ZBTB17: variants seen among roughly 807,000 people sequenced by gnomAD.
ZBTB17 encodes the protein zinc finger and BTB domain-containing protein 17.
A neutral mutation model predicts 85.1 loss-of-function variants in ZBTB17; 24 were observed. The ratio of observed to expected loss-of-function variants is 0.28; its 90% CI spans 0.20 to 0.40. ZBTB17 has a LOEUF of 0.40. Among genes scored for constraint, ZBTB17 ranks in the 10% least tolerant of loss-of-function variants. The pLI, the probability that ZBTB17 is intolerant of heterozygous loss-of-function variation, is 1.00. For missense variants in ZBTB17, 743 were observed against 1,105.1 expected, an observed-to-expected ratio of 0.67 and a Z score of 4.65; for synonymous variants, 464 against 460.2, an observed-to-expected ratio of 1.01 and a Z score of -0.11.
intron 2 of ZBTB17, among the ~76,000 whole-genome samples, chr1:15,955,078 C>G (rs57680346): frequency 6.6e-6 from 1 of 152,074 alleles, no homozygotes; most frequent in Admixed American, 6.6e-5. Flanking sequence ...CACTTGAACC[C>G]GGGAGGCGGA....
intron 1 of ZBTB17, 142 bp downstream of exon 1, chr1:15,975,841 C>G (rs1230558375): frequency 5.3e-6 from 3 of 562,988 alleles, no homozygotes; most frequent in Non-Finnish European, 3.2e-6. Context: ...AGCGGTGTCC[C>G]CTCAGCCCCG....
At chr1:15,960,660 G>T (rs919496147) in intron 2 of ZBTB17, among the ~76,000 whole-genome samples, 15 of 152,208 alleles carry the variant, frequency 9.9e-5, no homozygotes, top group African/African-American at 3.6e-4. Flanking sequence ...CACAAGGACT[G>T]CAGGAGCAAA....
chr1:15,945,802 G>GC lies in ZBTB17; in HGVS notation c.573dup (p.Pro192AlafsTer20). 6.2e-7 allele frequency: 1 copy of GC among 1,603,144 alleles called. No individual in the cohort carries two copies. Among genetic ancestry groups the GC allele is most frequent in the Non-Finnish European group, 8.5e-7 (1 of 1,178,912 alleles). ...TCTGGCTTGAGCTCCACAGGCGGCG[G>GC]CTCCCGGGGCGCATCGGCTTTCTCT... is the stretch of plus-strand genomic sequence containing the variant. On this transcript the variant is annotated frameshift_variant, in exon 6 of 16. Transcript: ENST00000375743. LOFTEE classifies it high-confidence loss of function.
At position 15,946,184 on chromosome 1, in the gene ZBTB17, GCTC is replaced by G; in HGVS notation, c.502_504del (p.Glu168del). Reference sequence around the variant, plus strand: ...GCCGCACTCTGGGCCTGACCGCCGCGCTCCTCCTTGAGGTCCCTGCTGGGGCCT... The same window carrying G: ...GCCGCACTCTGGGCCTGACCGCCGCGCTCCTTGAGGTCCCTGCTGGGGCCT... On this transcript the variant is annotated inframe_deletion, in exon 5 of 16. Coordinates refer to ENST00000375743, the MANE Select transcript of ZBTB17 (RefSeq NM_003443.3). 1 of 1,610,892 alleles carries G rather than the reference GCTC, an allele frequency of 6.2e-7. No individual in the cohort carries two copies. Among genetic ancestry groups the G allele is most frequent in the Non-Finnish European group, 8.5e-7 (1 of 1,179,988 alleles).
At chr1:15,950,277 G>A (rs1439385351) in intron 2 of ZBTB17, among the ~76,000 whole-genome samples, 3 of 152,262 alleles carry the variant, frequency 2.0e-5, no homozygotes, top group African/African-American at 7.2e-5. Flanking sequence ...AGGGAGAATC[G>A]TGGCTGCGCT....
intron 2 of ZBTB17, 83 bp from the exon 3 acceptor site, chr1:15,948,580 G>A (rs2071708325): frequency 1.5e-6 from 2 of 1,379,150 alleles, no homozygotes; most frequent in Non-Finnish European, 2.0e-6. Context: ...AGTCCCAGGC[G>A]AGCACCATGG....
Position 15,942,659 on chromosome 1 carries a change from C to T in ZBTB17, c.1908G>A (p.Val636=), listed in dbSNP as rs772961866. The change falls in exon 14 of 16, where the codon GTG becomes GTA. Residue 636 remains valine (V), a synonymous_variant. Transcript: ENST00000375743. ...VDNLRSHVKT[V]HQGKAGIKIL... is the part of the protein sequence containing the mutation. ...TCTTGATGCCTGCCTTGCCCTGGTG[C>T]ACGGTCTTCACGTGGGAGCGCAGGT... 9.9e-6 allele frequency: 16 copies of T among 1,613,758 alleles called. No homozygotes were observed. Among genetic ancestry groups the T allele is most frequent in the Non-Finnish European group, 1.2e-5 (14 of 1,180,038 alleles).
In ZBTB17 at chr1:15,952,835, C is replaced by G. The variant is rs539459395; in HGVS notation, c.-2-4338G>C. On this transcript the variant is annotated intron_variant, in intron 2 of 15. Transcript: ENST00000375743. The surrounding 1 kb of genome is among the most constrained non-coding windows in gnomAD (Gnocchi z 4.3). ...CCCAGCCCAGCTGTGCGCTGCTGCA[C>G]GCACGGCCTCAACCAACACCTCGGG... 1 of 152,384 alleles carries G rather than the reference C, an allele frequency of 6.6e-6. No homozygotes were observed. The highest frequency in any genetic ancestry group is 1.5e-5 in the Non-Finnish European group (1 of 68,140). The allele number at this position is 152,384 out of a possible 1,614,324, so 9.4% of individuals were successfully genotyped here.
In ZBTB17 at chr1:15,953,624, G is replaced by A. The variant is rs2148782172; in HGVS notation, c.-2-5127C>T. ...TGTTTGGGCCGTGAAATCCACTCTG[G>A]TGCCAAGTTCCATACTGCTGCCTCC... On this transcript the variant is annotated intron_variant, in intron 2 of 15. Transcript: ENST00000375743. The surrounding 1 kb of genome is among the most constrained non-coding windows in gnomAD (Gnocchi z 5.1). Among the ~76,000 whole-genome samples, 1 of 152,008 alleles carries A rather than the reference G, an allele frequency of 6.6e-6. No individual in the cohort carries two copies. The highest frequency in any genetic ancestry group is 6.5e-5 in the Admixed American group (1 of 15,278).
Position 15,951,407 on chromosome 1 carries a change from C to T in ZBTB17, c.-2-2910G>A, listed in dbSNP as rs2071836053. Among the ~76,000 whole-genome samples the T allele has an allele frequency of 6.6e-6, 1 of 152,118 alleles. No homozygotes were observed. The highest frequency in any genetic ancestry group is 2.4e-5 in the African/African-American group (1 of 41,422). The stretch of plus-strand genomic sequence containing the variant: ...CTTACCAGTACAATCTGGGACTGGC[C>T]TCCCAGGGGTGCAAGAGCAGCTCGA... On this transcript the variant is annotated intron_variant, in intron 2 of 15. Coordinates refer to ENST00000375743, the MANE Select transcript of ZBTB17 (RefSeq NM_003443.3). This position sits in a 1 kb window ranked among gnomAD's most constrained non-coding sequence, Gnocchi z 4.1.
intron 2 of ZBTB17, among the ~76,000 whole-genome samples, chr1:15,957,527 G>A (rs576706350): frequency 6.6e-6 from 1 of 152,246 alleles, no homozygotes; most frequent in East Asian, 1.9e-4. Flanking sequence ...AGCGGACTTT[G>A]GATTTCTTCT....
intron 9 of ZBTB17, 77 bp downstream of exon 9, chr1:15,944,223 C>T (rs1056935463): frequency 1.2e-5 from 19 of 1,526,604 alleles, no homozygotes; most frequent in East Asian, 2.4e-5. Context: ...GCTCCCCGCC[C>T]GCCCCACCAC....
rs182641897 is a variant in ZBTB17, at chr1:15,976,039, G to T, written c.-146C>A. ...GGTGCATCACGGCCGCGAGAAGGCC[G>T]GGGACGGCACTCCAGAGCAGACAAA... On this transcript the variant is annotated 5_prime_UTR_variant, in exon 1 of 16. Transcript: ENST00000375743. 2.9e-6 allele frequency: 2 copies of T among 695,306 alleles called. No individual in the cohort carries two copies. The highest frequency in any genetic ancestry group is 5.2e-6 in the Non-Finnish European group (2 of 381,280). The allele number at this position is 695,306 out of a possible 1,614,324, so 43.1% of individuals were successfully genotyped here. A position where few individuals can be genotyped will look rare whatever the true frequency, so the allele number is the denominator to read the frequency against.
Position 15,952,014 on chromosome 1 carries a change from G to A in ZBTB17, c.-2-3517C>T, listed in dbSNP as rs118039741. The stretch of plus-strand genomic sequence containing the variant: ...TACGGTGCCCATCGCTCAAGCACAA[G>A]TGTCAAGGTCTGTGGTCTTGTCTTC... On this transcript the variant is annotated intron_variant, in intron 2 of 15. Coordinates refer to ENST00000375743, the MANE Select transcript of ZBTB17 (RefSeq NM_003443.3). The surrounding 1 kb of genome is among the most constrained non-coding windows in gnomAD (Gnocchi z 4.3). 1.1e-4 allele frequency among the ~76,000 whole-genome samples: 17 copies of A among 152,292 alleles called. No individual in the cohort carries two copies. In the East Asian group the frequency reaches 2.7e-3, roughly 24 times the overall value.
At chr1:15,945,229 G>A (rs905621110) in intron 6 of ZBTB17, 27 bp from the exon 7 acceptor site, 2 of 1,548,310 alleles carry the variant, frequency 1.3e-6, no homozygotes, top group Non-Finnish European at 1.7e-6. Context: ...AAGCATGGAG[G>A]CGGCAGCCCT....
At chr1:15,945,966 G>A in intron 5 of ZBTB17, 126 bp from the exon 6 acceptor site, 1 of 1,548,342 alleles carries the variant, frequency 6.5e-7, no homozygotes. Context: ...CACACCCCTA[G>A]CCAAGGCTGT....
Position 15,945,206 on chromosome 1 carries a change from C to T in ZBTB17, c.662-4G>A, listed in dbSNP as rs766859491. On this transcript the variant is annotated splice_region_variant and splice_polypyrimidine_tract_variant and intron_variant, in intron 6 of 15. Transcript: ENST00000375743. ...CGGGCGGGCTCCACCTCCATTTCTGCGGAGAAAAGGGCAAGCATGGAGGCG... is the reference window on the plus strand; with the variant it reads ...CGGGCGGGCTCCACCTCCATTTCTGTGGAGAAAAGGGCAAGCATGGAGGCG... The T allele has an allele frequency of 1.3e-6, 2 of 1,551,222 alleles. No homozygotes were observed. The highest frequency in any genetic ancestry group is 1.4e-5 in the African/African-American group (1 of 73,098).
chr1:15,971,521 TAC>T (rs1302643379), intron 2 of ZBTB17, among the ~76,000 whole-genome samples: 26 of 133,754 alleles, frequency 1.9e-4, no homozygotes, highest in African/African-American at 4.6e-4. Context: ...ACTATATATA[TAC>T]ACACACACTA....
At chr1:15,965,498 T>G (rs866443374) in intron 2 of ZBTB17, among the ~76,000 whole-genome samples, 1 of 152,236 alleles carries the variant, frequency 6.6e-6, no homozygotes, top group African/African-American at 2.4e-5. Flanking sequence ...TGTTGAAGGG[T>G]AAACTGGGGA....
Sources: gnomAD v4.1 joint callset for allele counts (sites outside exome capture counted in the v4.1 genomes callset) on GRCh38, gnomAD v4.1.1 for gene constraint, Gnocchi (gnomAD v3.1) non-coding constraint, MANE v1.5 for transcripts, NCBI Gene and HGNC (gene_info 2026-07-23, HGNC 2026-07-21) for gene names.